AHCTF1: variants seen among roughly 807,000 people sequenced by gnomAD.
AHCTF1 encodes the protein AT-hook containing transcription factor 1.
A neutral mutation model predicts 248.4 loss-of-function variants in AHCTF1; 24 were observed. The observed-to-expected ratio is 0.10, with a 90% CI of 0.07 to 0.14. The LOEUF (loss-of-function observed/expected upper bound fraction) is 0.14, where lower values mean the gene tolerates loss of function less well. Ranked by LOEUF, AHCTF1 falls within the 10% of genes least tolerant of loss-of-function variation. AHCTF1 has a pLI of 1.00. For synonymous variants in AHCTF1, 786 were observed against 929.8 expected (o/e 0.85, Z 2.81); for missense variants, 2,206 against 2,636.2 (o/e 0.84, Z 3.57).
intron 24 of AHCTF1, among the ~76,000 whole-genome samples, chr1:246,872,697 C>A (rs1380063232): frequency 1.3e-5 from 2 of 152,188 alleles, no homozygotes; most frequent in Non-Finnish European, 2.9e-5. Flanking sequence ...TCCTTCCCAT[C>A]GCACTATCAT....
intron 24 of AHCTF1, among the ~76,000 whole-genome samples, chr1:246,869,352 G>A (rs1662387412): frequency 6.6e-6 from 1 of 152,198 alleles, no homozygotes; most frequent in South Asian, 2.1e-4. Context: ...AAGTGTTCAT[G>A]TGAAAGGAGG....
chr1:246,931,262 G>T, intron 1 of AHCTF1: 1 of 1,549,180 alleles, frequency 6.5e-7, no homozygotes, highest in Non-Finnish European at 8.7e-7. Context: ...TCGCGGCCCC[G>T]GCCGTCCGTA....
intron 29 of AHCTF1, among the ~76,000 whole-genome samples, chr1:246,859,656 A>G (rs1298705636): frequency 6.6e-6 from 1 of 152,100 alleles, no homozygotes; most frequent in African/African-American, 2.4e-5. Context: ...TGCATCCCCA[A>G]CCTCGACCTC....
intron 33 of AHCTF1, among the ~76,000 whole-genome samples, chr1:246,846,584 A>T (rs1040755512): frequency 2.0e-5 from 3 of 152,152 alleles, no homozygotes; most frequent in African/African-American, 7.2e-5. Context: ...TCATTCTAGC[A>T]GGTGCCTATT....
chr1:246,853,178 T>C lies in AHCTF1; in HGVS notation c.4476A>G (p.Val1492=). Residue 1492 remains valine, a synonymous_variant, in exon 32 of 36, where the codon GTA becomes GTG. Coordinates refer to ENST00000648844, the MANE Select transcript of AHCTF1 (RefSeq NM_001323342.2). Reference sequence around the variant, plus strand: ...CACTTTCTTTTAGTACACCAACTTCTACTTCATGATCTTCTTTTAAGTTCA... The same window carrying C: ...CACTTTCTTTTAGTACACCAACTTCCACTTCATGATCTTCTTTTAAGTTCA... ...VALNLKEDHE[V]EVGVLKESVD... The C allele has an allele frequency of 6.2e-7, 1 of 1,613,140 alleles. No homozygotes were observed.
At chr1:246,925,908 A>C (rs976262029) in intron 1 of AHCTF1, among the ~76,000 whole-genome samples, 2 of 152,144 alleles carry the variant, frequency 1.3e-5, no homozygotes, top group Admixed American at 1.3e-4. Context: ...CATCTCTACG[A>C]AAAATAATTA....
Position 246,850,647 on chromosome 1 carries a change from C to T in AHCTF1, c.5359G>A (p.Glu1787Lys). Residue 1787 changes from glutamate to lysine, a missense_variant, in exon 33 of 36, where the codon GAA becomes AAA. This residue lies in a region of AHCTF1 where 955 missense variants were observed against 1,055.6 expected (regional missense o/e 0.90). Coordinates refer to ENST00000648844, the MANE Select transcript of AHCTF1 (RefSeq NM_001323342.2). ...RKAKEISEAS[E>K]NIYSDVRGLS... ...CCTCTGACATCAGAATAGATGTTTT[C>T]AGAAGCTTCAGAAATTTCTTTTGCC... 2 of 1,613,900 alleles carry T rather than the reference C, an allele frequency of 1.2e-6. No homozygotes were observed. Among genetic ancestry groups the T allele is most frequent in the Non-Finnish European group, 1.7e-6 (2 of 1,179,856 alleles).
intron 31 of AHCTF1, among the ~76,000 whole-genome samples, chr1:246,854,971 T>G (rs1020769498): frequency 7.5e-6 from 1 of 132,894 alleles, no homozygotes; most frequent in African/African-American, 3.0e-5. Flanking sequence ...TTTTTACATG[T>G]TAGACAATTC....
chr1:246,842,977 C>T lies in AHCTF1; in HGVS notation c.6526-201G>A, dbSNP rs186019261. On this transcript the variant is annotated intron_variant, in intron 34 of 35. Transcript: ENST00000648844. ...TTTATTCCTCATTCCTACAATTCAA[C>T]TAATCTCCAAGTTATCATCAGTTTT... 9.2e-5 allele frequency among the ~76,000 whole-genome samples: 14 copies of T among 152,304 alleles called. No homozygotes were observed. In the East Asian group the frequency reaches 2.7e-3, roughly 29 times the overall value.
At chr1:246,889,059 C>T (rs1457518267) in intron 17 of AHCTF1, among the ~76,000 whole-genome samples, 1 of 152,180 alleles carries the variant, frequency 6.6e-6, no homozygotes, top group Non-Finnish European at 1.5e-5. Flanking sequence ...GTGGTCCATC[C>T]AGCCAGTGAC....
intron 30 of AHCTF1, among the ~76,000 whole-genome samples, chr1:246,856,882 C>T (rs1434269896): frequency 6.6e-6 from 1 of 152,110 alleles, no homozygotes; most frequent in Non-Finnish European, 1.5e-5. Context: ...AAGTAACGAA[C>T]CATTTATAAT....
chr1:246,897,866 T>C (rs1664701514), intron 12 of AHCTF1, among the ~76,000 whole-genome samples: 1 of 135,946 alleles, frequency 7.4e-6, no homozygotes, highest in Non-Finnish European at 1.6e-5. Context: ...TAGTCCTAGC[T>C]ACTTGCGGGG....
At chr1:246,862,181 C>A (rs780676123) in intron 27 of AHCTF1, 28 bp from the exon 28 acceptor site, 1 of 1,571,190 alleles carries the variant, frequency 6.4e-7, no homozygotes, top group Non-Finnish European at 8.7e-7. Flanking sequence ...TGGAATTACA[C>A]CATTAAAAGT....
At chr1:246,880,854 A>G (rs1663348608) in intron 21 of AHCTF1, among the ~76,000 whole-genome samples, 1 of 152,216 alleles carries the variant, frequency 6.6e-6, no homozygotes, top group Admixed American at 6.5e-5. Context: ...TACAGAAGAC[A>G]ATAATGATGC....
Position 246,929,800 on chromosome 1 carries a change from TC to T in AHCTF1, c.-8+1777del, listed in dbSNP as rs553249694. On this transcript the variant is annotated intron_variant, in intron 1 of 35. Coordinates refer to ENST00000648844, the MANE Select transcript of AHCTF1 (RefSeq NM_001323342.2). ...CGGGCGCGGTGGCTCACGCCTGTAA[TC>T]CCAGCACTCTGGGAGGCCAAGGCGG... 1.3e-4 allele frequency among the ~76,000 whole-genome samples: 20 copies of T among 152,360 alleles called. No homozygotes were observed. The East Asian group carries it at 3.9e-3, about 29-fold the overall frequency.
chr1:246,869,076 C>T (rs1394713101), intron 24 of AHCTF1, among the ~76,000 whole-genome samples: 3 of 151,222 alleles, frequency 2.0e-5, no homozygotes, highest in Admixed American at 6.6e-5. Flanking sequence ...GATCTCCTGA[C>T]CTCGTGATCC....
At chr1:246,875,930 T>A (rs1046530509) in intron 24 of AHCTF1, 107 bp downstream of exon 24, 7 of 1,047,858 alleles carry the variant, frequency 6.7e-6, no homozygotes, top group East Asian at 2.6e-5. Flanking sequence ...AAGGCATGCC[T>A]GTATGTGTTA....
chr1:246,879,764 G>A (rs970189760), intron 21 of AHCTF1, among the ~76,000 whole-genome samples: 1 of 151,976 alleles, frequency 6.6e-6, no homozygotes, highest in Non-Finnish European at 1.5e-5. Flanking sequence ...AGGAGGCAGA[G>A]GTTGCAGTGA....
chr1:246,904,203 A>G (rs1665223010), intron 6 of AHCTF1, among the ~76,000 whole-genome samples, 170 bp from the exon 7 acceptor site: 1 of 152,260 alleles, frequency 6.6e-6, no homozygotes, highest in Non-Finnish European at 1.5e-5. Context: ...CCTTTGAAAT[A>G]ATAATTGATA....
Sources: allele counts gnomAD v4.1 joint callset (sites outside exome capture counted in the v4.1 genomes callset), GRCh38; gene constraint gnomAD v4.1.1; regional missense constraint gnomAD v4.1.1; transcripts MANE v1.5; gene names NCBI Gene and HGNC (gene_info 2026-07-23, HGNC 2026-07-21).